The following LAMB2 variants were observed in gnomAD, a reference collection of about 807,000 sequenced individuals.
LAMB2 encodes laminin subunit beta-2.
LAMB2 carries 119 observed loss-of-function variants against 202.7 expected under a neutral mutation model. The ratio of observed to expected loss-of-function variants is 0.59; its 90% CI spans 0.51 to 0.68. The LOEUF (loss-of-function observed/expected upper bound fraction) is 0.68, where lower values mean the gene tolerates loss of function less well. LAMB2 is among the 30% of genes least tolerant of loss of function. LAMB2 has a pLI of 0.00. For missense variants in LAMB2, 2,124 were observed against 2,410.6 expected (o/e 0.88, Z 2.49); for synonymous variants, 818 against 902.2 (o/e 0.91, Z 1.67).
chr3:49,125,330 C>T lies in LAMB2; in HGVS notation c.2643G>A (p.Gly881=). Residue 881 remains glycine, a synonymous_variant, in exon 19 of 32, where the codon GGG becomes GGA. Coordinates refer to ENST00000305544, the MANE Select transcript of LAMB2 (RefSeq NM_002292.4). ...TGTGGGTGTTGCACTCATCTGCATG[C>T]CCATTGCAGACACATGGCCGGCAGC... The part of the protein sequence containing the change: ...FPSCRPCVCN[G]HADECNTHTG... The T allele has an allele frequency of 1.2e-6, 2 of 1,614,094 alleles. No homozygotes were observed. The highest frequency in any genetic ancestry group is 2.2e-5 in the South Asian group (2 of 91,088).
At position 49,130,653 on chromosome 3, in the gene LAMB2, G is replaced by A; in HGVS notation, c.1036+87C>T. 2 of 1,596,156 alleles carry A rather than the reference G, an allele frequency of 1.3e-6. No homozygotes were observed. Among genetic ancestry groups the A allele is most frequent in the Admixed American group, 1.7e-5 (1 of 60,008 alleles). ...CTCTTTGGATACAGCCTGGGTTTTA[G>A]GGGCTTGACCAACTAGCTCTAGGTT... On this transcript the variant is annotated intron_variant, in intron 8 of 31. Transcript: ENST00000305544. This position sits in a 1 kb window ranked among gnomAD's most constrained non-coding sequence, Gnocchi z 5.0.
rs2107643694 is a variant in LAMB2, at chr3:49,130,381, C to T, written c.1075G>A (p.Asp359Asn). Residue 359 changes from aspartate (D) to asparagine (N), a missense_variant, in exon 9 of 32, where the codon GAC (aspartate) becomes AAC (asparagine). Physicochemically the swap from Asp to Asn is conservative, Grantham distance 23. Coordinates refer to ENST00000305544, the MANE Select transcript of LAMB2 (RefSeq NM_002292.4). This position sits in a 1 kb window ranked among gnomAD's most constrained non-coding sequence, Gnocchi z 5.0. ...CHGHTHSCHF[D>N]MAVYLASGNV... ...CCAGATGCCAGGTATACGGCCATGTCGAAGTGGCAGCTGTGGGTGTGCCCA... is the reference window on the plus strand; with the variant it reads ...CCAGATGCCAGGTATACGGCCATGTTGAAGTGGCAGCTGTGGGTGTGCCCA... 4.3e-6 allele frequency: 7 copies of T among 1,614,076 alleles called. No individual in the cohort carries two copies. Among genetic ancestry groups the T allele is most frequent in the East Asian group, 2.2e-5 (1 of 44,888 alleles).
chr3:49,125,839 CCAT>C lies in LAMB2; in HGVS notation c.2393_2395del (p.His798_Gly799delinsArg). ...TCCAGGCTTGCACAGGCACTGACCA[CCAT>C]GAGGGTTGCACTCAGAACTCAGTGA... On this transcript the variant is annotated inframe_deletion, in exon 18 of 32. Transcript: ENST00000305544. The C allele has an allele frequency of 6.2e-7, 1 of 1,614,162 alleles. No individual in the cohort carries two copies. The highest frequency in any genetic ancestry group is 8.5e-7 in the Non-Finnish European group (1 of 1,180,024).
In LAMB2 at chr3:49,128,691, G is replaced by A. The variant is rs2045448223; in HGVS notation, c.1860C>T (p.Asp620=). 4 of 1,614,080 alleles carry A rather than the reference G, an allele frequency of 2.5e-6. No individual in the cohort carries two copies. The highest frequency in any genetic ancestry group is 1.3e-5 in the African/African-American group (1 of 74,942). The part of the protein sequence containing the change: ...FLVASVPKAM[D]YDLLLRLEPQ... ...GCTCTAAGCGCAGCAGCAGGTCATA[G>A]TCCATAGCCTTCGGCACAGAGGCCA... Residue 620 remains aspartate, a synonymous_variant, in exon 14 of 32, where the codon GAC becomes GAT. Transcript: ENST00000305544.
At position 49,122,930 on chromosome 3, in the gene LAMB2, T is replaced by G. The variant is rs202083663; in HGVS notation, c.4347A>C (p.Ala1449=). The G allele has an allele frequency of 2.7e-5, 44 of 1,608,908 alleles. No homozygotes were observed. Among genetic ancestry groups the G allele is most frequent in the Admixed American group, 1.2e-4 (7 of 60,008 alleles). The change falls in exon 27 of 32, where the codon GCA becomes GCC. Residue 1449 remains alanine, a synonymous_variant. Coordinates refer to ENST00000305544, the MANE Select transcript of LAMB2 (RefSeq NM_002292.4). Reference sequence around the variant, plus strand: ...GCCGGGCCCGGCCCAGTGCTAGGTCTGCTGTAGCCGCTGCCCCATTGCAGC... The same window carrying G: ...GCCGGGCCCGGCCCAGTGCTAGGTCGGCTGTAGCCGCTGCCCCATTGCAGC... ...GLSCNGAAAT[A]DLALGRARHT...
Position 49,132,500 on chromosome 3 carries a change from A to C in LAMB2, c.240T>G (p.Ser80Arg), listed in dbSNP as rs746230397. 4.3e-6 allele frequency: 7 copies of C among 1,613,846 alleles called. No individual in the cohort carries two copies. Among genetic ancestry groups the C allele is most frequent in the Non-Finnish European group, 5.9e-6 (7 of 1,179,998 alleles). ...CTGTCCCCAGCCACACCTGCAGGTG[A>C]CTGACGATGCAGTAGGGCTGGGGGC... ...LNGPQPYCIV[S>R]HLQDEKKCFL... The change falls in exon 2 of 32, where the codon AGT (serine) becomes AGG (arginine). Residue 80 changes from serine to arginine, a missense_variant. This residue lies in a region of LAMB2 where 166 missense variants were observed against 158.2 expected (regional missense o/e 1.05). Coordinates refer to ENST00000305544, the MANE Select transcript of LAMB2 (RefSeq NM_002292.4). The surrounding 1 kb of genome is among the most constrained non-coding windows in gnomAD (Gnocchi z 4.6).
At position 49,132,828 on chromosome 3, in the gene LAMB2, GAGGCTGTCCCC is replaced by G; in HGVS notation, c.29_39del (p.Arg10ThrfsTer47). The G allele has an allele frequency of 6.2e-7, 1 of 1,614,172 alleles. No homozygotes were observed. The highest frequency in any genetic ancestry group is 8.5e-7 in the Non-Finnish European group (1 of 1,180,024). On this transcript the variant is annotated frameshift_variant, in exon 1 of 32. Transcript: ENST00000305544. LOFTEE classifies it high-confidence loss of function. This position sits in a 1 kb window ranked among gnomAD's most constrained non-coding sequence, Gnocchi z 4.6. ...AGGCCCAGTCGAAGTTCCCAGGGCA[GAGGCTGTCCCC>G]TCCCTCTTTCCCTTGAGGTCAGCTC...
intron 20 of LAMB2, 29 bp from the exon 21 acceptor site, chr3:49,124,954 T>G (rs1476762807): frequency 2.5e-6 from 4 of 1,613,774 alleles, no homozygotes; most frequent in Admixed American, 1.7e-5. Flanking sequence ...AAGCTGTGAG[T>G]GCTCAGCCCA....
rs13082063 is a variant in LAMB2 at position 49,123,880 on chromosome 3, C to T, written c.3645G>A (p.Ala1215=). 1.9e-3 allele frequency: 3,105 copies of T among 1,613,406 alleles called. 6 individuals carry two copies. The highest frequency in any genetic ancestry group is 2.2e-3 in the Non-Finnish European group (2,541 of 1,180,002). The change falls in exon 24 of 32, where the codon GCG becomes GCA. Residue 1215 remains alanine (A), a synonymous_variant. Transcript: ENST00000305544. ...GCACACCCGTCTGTTGCAACTCCTG[C>T]GCCCGCTGCTCTAGGCGCTGTGTAC... ...AARTQRLEQR[A]QELQQTGVLG...
intron 22 of LAMB2, 42 bp downstream of exon 22, chr3:49,124,345 GACAGACAC>G: frequency 5.0e-6 from 8 of 1,613,010 alleles, no homozygotes; most frequent in East Asian, 4.5e-5. Flanking sequence ...CTGGAGATAA[GACAGACAC>G]CTGGCCCCAT....
rs769908065 is a variant in LAMB2, at chr3:49,126,422, T to G, written c.2094A>C (p.Thr698=). ...GAGTCTCAGGCTGGGCACTTCCCCC[T>G]GTCCGTACCAGCTTCAGATGCAGCT... ...SYKLHLKLVR[T]GGSAQPETPY... Residue 698 remains threonine (T), a synonymous_variant, in exon 16 of 32, where the codon ACA becomes ACC. Transcript: ENST00000305544. 6.2e-7 allele frequency: 1 copy of G among 1,614,036 alleles called. No individual in the cohort carries two copies. The highest frequency in any genetic ancestry group is 1.3e-5 in the African/African-American group (1 of 74,912).
chr3:49,132,192 G>A lies in LAMB2; in HGVS notation c.386-3C>T, dbSNP rs2045488683. The stretch of plus-strand genomic sequence containing the variant: ...CTGGATGGTGACCGCAGGGATACCT[G>A]GGACAGGAATCGGAAGTCAAGGACT... On this transcript the variant is annotated splice_polypyrimidine_tract_variant and splice_region_variant and intron_variant, in intron 3 of 31. Coordinates refer to ENST00000305544, the MANE Select transcript of LAMB2 (RefSeq NM_002292.4). This position sits in a 1 kb window ranked among gnomAD's most constrained non-coding sequence, Gnocchi z 4.6. 1.2e-6 allele frequency: 2 copies of A among 1,614,188 alleles called. No homozygotes were observed. Among genetic ancestry groups the A allele is most frequent in the Non-Finnish European group, 1.7e-6 (2 of 1,180,030 alleles).
At position 49,129,396 on chromosome 3, in the gene LAMB2, A is replaced by G. The variant is rs2045457826; in HGVS notation, c.1519-72T>C. On this transcript the variant is annotated intron_variant, in intron 11 of 31. Transcript: ENST00000305544. This position sits in a 1 kb window ranked among gnomAD's most constrained non-coding sequence, Gnocchi z 6.1. Reference sequence around the variant, plus strand: ...CATCACCACCCAGCAGGAAATCCCAACCACACGTCTTAGCCTCAATCACCC... The same window carrying G: ...CATCACCACCCAGCAGGAAATCCCAGCCACACGTCTTAGCCTCAATCACCC... 7.3e-7 allele frequency: 1 copy of G among 1,371,492 alleles called. No individual in the cohort carries two copies. Among genetic ancestry groups the G allele is most frequent in the Non-Finnish European group, 1.0e-6 (1 of 973,252 alleles). The allele number at this position is 1,371,492 out of a possible 1,614,324, so 85.0% of individuals were successfully genotyped here. A position where few individuals can be genotyped will look rare whatever the true frequency, so the allele number is the denominator to read the frequency against.
At position 49,131,000 on chromosome 3, in the gene LAMB2, C is replaced by T. The variant is rs569945951; in HGVS notation, c.865G>A (p.Ala289Thr). The T allele has an allele frequency of 4.3e-6, 7 of 1,614,024 alleles. No individual in the cohort carries two copies. The highest frequency in any genetic ancestry group is 4.0e-5 in the African/African-American group (3 of 75,052). ...VRGNCFCYGH[A>T]SECAPAPGAP... ...CCTGGGGCGGGTGCACACTCTGAGG[C>T]GTGTCCGTAGCAGAAGCAGTTGCCA... Residue 289 changes from alanine to threonine, a missense_variant, in exon 7 of 32, where the codon GCC (alanine) becomes ACC (threonine). By Grantham distance (58) the Ala-to-Thr change is moderately conservative (BLOSUM62 0). This residue lies in a region of LAMB2 where 256 missense variants were observed against 356.1 expected (regional missense o/e 0.72). Transcript: ENST00000305544. The surrounding 1 kb of genome is among the most constrained non-coding windows in gnomAD (Gnocchi z 5.0).
In LAMB2 at chr3:49,124,932, A is replaced by AACTCACC; in HGVS notation, c.2885-8_2885-7insGGTGAGT. 1 of 1,613,984 alleles carries AACTCACC rather than the reference A, an allele frequency of 6.2e-7. No individual in the cohort carries two copies. The highest frequency in any genetic ancestry group is 8.5e-7 in the Non-Finnish European group (1 of 1,180,026). On this transcript the variant is annotated splice_polypyrimidine_tract_variant and splice_region_variant and intron_variant, in intron 20 of 31. Transcript: ENST00000305544. ...CAAGCTTCACATCGCAGCCCTGCCC[A>AACTCACC]CGGTTAAGAGGAAGCTGTGAGTGCT...
Position 49,126,324 on chromosome 3 carries a change from C to T in LAMB2, c.2151+41G>A, listed in dbSNP as rs756662551. On this transcript the variant is annotated intron_variant, in intron 16 of 31. Transcript: ENST00000305544. ...ATCCCTCAAGTCCCACACCACGGGCCCTGCCATCTTGGTTGGTGTGGGCAA... is the reference window on the plus strand; with the variant it reads ...ATCCCTCAAGTCCCACACCACGGGCTCTGCCATCTTGGTTGGTGTGGGCAA... The T allele has an allele frequency of 5.6e-6, 9 of 1,613,884 alleles. No individual in the cohort carries two copies. In the Admixed American group the frequency reaches 1.5e-4, roughly 27 times the overall value.
At position 49,132,926 on chromosome 3, in the gene LAMB2, C is replaced by G. The variant is rs2045498028; in HGVS notation, c.-59G>C. The G allele has an allele frequency of 1.3e-6, 2 of 1,513,594 alleles. No homozygotes were observed. The highest frequency in any genetic ancestry group is 1.1e-5 in the South Asian group (1 of 88,782). 93.8% of individuals were successfully genotyped at this position (1,513,594 alleles called of 1,614,324 possible). A position where few individuals can be genotyped will look rare whatever the true frequency, so the allele number is the denominator to read the frequency against. ...ACGGTCTCGGGCCCGAGCCCTCCTC[C>G]TTGCTTTGGGGTTCCGTGTCAACTC... is the stretch of plus-strand genomic sequence containing the variant. On this transcript the variant is annotated 5_prime_UTR_variant, in exon 1 of 32. Coordinates refer to ENST00000305544, the MANE Select transcript of LAMB2 (RefSeq NM_002292.4). The surrounding 1 kb of genome is among the most constrained non-coding windows in gnomAD (Gnocchi z 4.6).
At chr3:49,125,223 C>T in intron 19 of LAMB2, 30 bp downstream of exon 19, 1 of 1,613,692 alleles carries the variant, frequency 6.2e-7, no homozygotes, top group Non-Finnish European at 8.5e-7. Context: ...TGCCCACCAA[C>T]CAACCCACTC....
In LAMB2 at chr3:49,122,080, C is replaced by A. The variant is rs1270153478; in HGVS notation, c.4787G>T (p.Trp1596Leu). 1.9e-6 allele frequency: 3 copies of A among 1,613,352 alleles called. No homozygotes were observed. Among genetic ancestry groups the A allele is most frequent in the Non-Finnish European group, 2.5e-6 (3 of 1,180,034 alleles). The change falls in exon 29 of 32, where the codon TGG (tryptophan) becomes TTG (leucine). Residue 1596 changes from tryptophan (W) to leucine (L), a missense_variant. Transcript: ENST00000305544. ...LLQDARRARS[W>L]AEDEKQKAET... ...TGCCTTCTGTTTCTCATCCTCAGCC[C>A]AGCTCCTGGGGAGAAGGGGGAATCA...
Sources: gnomAD v4.1 joint callset for allele counts on GRCh38, gnomAD v4.1.1 for gene constraint, gnomAD v4.1.1 regional missense constraint, Gnocchi (gnomAD v3.1) non-coding constraint, MANE v1.5 for transcripts, NCBI Gene and HGNC (gene_info 2026-07-23, HGNC 2026-07-21) for gene names.